TAOK3: variants seen among roughly 807,000 people sequenced by gnomAD.
TAOK3 encodes the protein serine/threonine-protein kinase TAO3.
A neutral mutation model predicts 120.4 loss-of-function variants in TAOK3; 40 were observed. The observed-to-expected ratio is 0.33, with a 90% confidence interval of 0.26 to 0.43. TAOK3 has a LOEUF of 0.43. TAOK3 is among the 20% of genes least tolerant of loss of function. TAOK3 has a pLI of 1.00. For missense variants in TAOK3, 821 were observed against 1,112.1 expected, an observed-to-expected ratio of 0.74 and a Z score of 3.72; for synonymous variants, 355 against 387.5, an observed-to-expected ratio of 0.92 and a Z score of 0.99.
intron 11 of TAOK3, among the ~76,000 whole-genome samples, chr12:118,203,332 C>A (rs911417099): frequency 6.6e-6 from 1 of 152,114 alleles, no homozygotes; most frequent in Non-Finnish European, 1.5e-5. Flanking sequence ...AAACATCCCT[C>A]ACTTTCAATA....
intron 17 of TAOK3, among the ~76,000 whole-genome samples, chr12:118,167,403 G>A (rs2035671500): frequency 6.6e-6 from 1 of 151,910 alleles, no homozygotes; most frequent in South Asian, 2.1e-4. Flanking sequence ...CAAAATACTT[G>A]TTTACATGTA....
intron 17 of TAOK3, among the ~76,000 whole-genome samples, chr12:118,171,743 A>G (rs1321166264): frequency 6.6e-6 from 1 of 152,192 alleles, no homozygotes; most frequent in Non-Finnish European, 1.5e-5. Flanking sequence ...CTTCAGGCTA[A>G]AAGTCAAATG....
chr12:118,190,574 T>A (rs879636569), intron 13 of TAOK3: 22 of 152,224 alleles, frequency 1.4e-4, no homozygotes, highest in Non-Finnish European at 2.8e-4. Context: ...GATTTTTTTT[T>A]AGATTTAAAG....
chr12:118,275,700 A>G (rs1179897753), intron 1 of TAOK3, among the ~76,000 whole-genome samples: 2 of 152,194 alleles, frequency 1.3e-5, no homozygotes. Flanking sequence ...GGCACTGAAC[A>G]AGGCTTTAGG....
intron 1 of TAOK3, among the ~76,000 whole-genome samples, chr12:118,360,703 A>C (rs2141296900): frequency 6.6e-6 from 1 of 152,204 alleles, no homozygotes; most frequent in East Asian, 1.9e-4. Context: ...CATTCATATA[A>C]TATTTAGTGG....
Position 118,199,114 on chromosome 12 carries a change from T to C in TAOK3, c.1131A>G (p.Glu377=). Residue 377 remains glutamate (E), a synonymous_variant, in exon 13 of 21, where the codon GAA becomes GAG. Transcript: ENST00000392533. ...MQEVMDESSS[E]LVMMHDDEST... is the part of the protein sequence containing the mutation. Reference sequence around the variant, plus strand: ...TTTCGTCATCGTGCATCATGACAAGTTCGGAACTGCTCTCGTCCATGACTT... The same window carrying C: ...TTTCGTCATCGTGCATCATGACAAGCTCGGAACTGCTCTCGTCCATGACTT... The C allele has an allele frequency of 1.9e-6, 3 of 1,614,168 alleles. No homozygotes were observed. Among genetic ancestry groups the C allele is most frequent in the Non-Finnish European group, 2.5e-6 (3 of 1,180,026 alleles).
intron 1 of TAOK3, among the ~76,000 whole-genome samples, chr12:118,316,722 T>C (rs929374196): frequency 3.3e-5 from 5 of 152,152 alleles, no homozygotes; most frequent in Admixed American, 3.3e-4. Flanking sequence ...GCCAATGACA[T>C]GATCTTATAT....
At chr12:118,229,528 A>G (rs1442305456) in intron 9 of TAOK3, among the ~76,000 whole-genome samples, 6 of 152,180 alleles carry the variant, frequency 3.9e-5, no homozygotes, top group Middle Eastern at 3.2e-3. Flanking sequence ...TGTGCTTTAC[A>G]TGGTTTTATA....
chr12:118,301,094 C>T (rs930431799), intron 1 of TAOK3, among the ~76,000 whole-genome samples: 2 of 152,156 alleles, frequency 1.3e-5, no homozygotes, highest in African/African-American at 4.8e-5. Context: ...AAATTTTTAC[C>T]TCCATCATAC....
intron 2 of TAOK3, among the ~76,000 whole-genome samples, chr12:118,262,222 G>A (rs1300052673): frequency 6.6e-6 from 1 of 151,972 alleles, no homozygotes; most frequent in East Asian, 2.0e-4. Flanking sequence ...GGTGGCTCAT[G>A]TCTGTAATCC....
chr12:118,164,219 CG>C (rs2035426148), intron 17 of TAOK3, among the ~76,000 whole-genome samples: 2 of 150,534 alleles, frequency 1.3e-5, no homozygotes, highest in Admixed American at 1.3e-4. Flanking sequence ...CCCAGCTACT[CG>C]GAAGGCTGAG....
chr12:118,260,231 T>G (rs1380911166), intron 2 of TAOK3, among the ~76,000 whole-genome samples: 1 of 152,136 alleles, frequency 6.6e-6, no homozygotes, highest in Non-Finnish European at 1.5e-5. Context: ...GGGACTCAAG[T>G]GATCCTCCCG....
chr12:118,320,347 T>C (rs1333421128), intron 1 of TAOK3, among the ~76,000 whole-genome samples: 3 of 152,094 alleles, frequency 2.0e-5, no homozygotes, highest in African/African-American at 7.2e-5. Context: ...CTCTAGCACT[T>C]TGGGAGGCTG....
At chr12:118,197,127 G>T (rs1407124087) in intron 13 of TAOK3, among the ~76,000 whole-genome samples, 1 of 152,098 alleles carries the variant, frequency 6.6e-6, no homozygotes, top group Non-Finnish European at 1.5e-5. Flanking sequence ...TTCATGAAAA[G>T]ATACCATATC....
rs79740491 is a variant in TAOK3, at chr12:118,347,982, C to T, written c.-194+24666G>A. Among the ~76,000 whole-genome samples, 1,400 of 152,322 alleles carry T rather than the reference C, an allele frequency of 9.2e-3. 15 individuals carry two copies. The highest frequency in any genetic ancestry group is 0.018 in the South Asian group (89 of 4,828). Reference sequence around the variant, plus strand: ...AATATCTTAAATGGTTCCTCACTATCTACTGTTCAAAGTTCAAACCTCCTG... The same window carrying T: ...AATATCTTAAATGGTTCCTCACTATTTACTGTTCAAAGTTCAAACCTCCTG... On this transcript the variant is annotated intron_variant, in intron 1 of 20. Transcript: ENST00000392533.
At chr12:118,186,035 G>A (rs184573585) in intron 14 of TAOK3, among the ~76,000 whole-genome samples, 148 of 152,178 alleles carry the variant, frequency 9.7e-4, no homozygotes, top group South Asian at 1.7e-3. Context: ...TTTATTTTTA[G>A]GTATCAAATT....
intron 6 of TAOK3, among the ~76,000 whole-genome samples, chr12:118,238,635 ATTT>A (rs72180783): frequency 0.094 from 13,500 of 144,062 alleles, 763 homozygotes; most frequent in Middle Eastern, 0.3. Flanking sequence ...CAGTGATTTA[ATTT>A]TTTTTTTTTT....
chr12:118,226,902 A>G (rs1316491315), intron 9 of TAOK3, among the ~76,000 whole-genome samples: 1 of 152,198 alleles, frequency 6.6e-6, no homozygotes, highest in Non-Finnish European at 1.5e-5. Context: ...ACTTGTGTCC[A>G]ATGTCAACTG....
intron 1 of TAOK3, among the ~76,000 whole-genome samples, chr12:118,306,135 T>G (rs2043044892): frequency 6.6e-6 from 1 of 152,156 alleles, no homozygotes; most frequent in African/African-American, 2.4e-5. Flanking sequence ...TGCTGGTTTT[T>G]GTTTTTTAAC....
Sources: gnomAD v4.1 joint callset for allele counts (sites outside exome capture counted in the v4.1 genomes callset) on GRCh38, gnomAD v4.1.1 for gene constraint, MANE v1.5 for transcripts, NCBI Gene and HGNC (gene_info 2026-07-23, HGNC 2026-07-21) for gene names.